Variants in PTPRK observed in about 807,000 individuals in gnomAD.
PTPRK encodes the protein receptor-type tyrosine-protein phosphatase kappa.
In PTPRK, 75 loss-of-function variants were observed where a neutral mutation model predicts 178.0. The observed-to-expected ratio is 0.42, with a 90% CI of 0.35 to 0.51. The LOEUF (loss-of-function observed/expected upper bound fraction) is 0.51. Among genes scored for constraint, PTPRK ranks in the 20% least tolerant of loss-of-function variants. The probability of loss-of-function intolerance (pLI) is 0.02; values close to 1 mark genes in which losing one functional copy is unlikely to be tolerated. For missense variants in PTPRK, 1,441 were observed against 1,797.8 expected (o/e 0.80, Z 3.59); for synonymous variants, 637 against 620.6 (o/e 1.03, Z -0.39).
chr6:128,351,708 C>A (rs1464913445), intron 2 of PTPRK, among the ~76,000 whole-genome samples: 1 of 152,102 alleles, frequency 6.6e-6, no homozygotes, highest in Non-Finnish European at 1.5e-5. Flanking sequence ...TGCAATGAAA[C>A]TTACATGAAA....
At chr6:128,045,052 C>T (rs1331956343) in intron 13 of PTPRK, among the ~76,000 whole-genome samples, 1 of 151,942 alleles carries the variant, frequency 6.6e-6, no homozygotes, top group Non-Finnish European at 1.5e-5. Context: ...TCTGCTTACA[C>T]CCAGTCCCAG....
At chr6:128,134,812 C>G (rs994029742) in intron 7 of PTPRK, among the ~76,000 whole-genome samples, 1 of 152,112 alleles carries the variant, frequency 6.6e-6, no homozygotes, top group Middle Eastern at 3.4e-3. Flanking sequence ...TTAAAACCAA[C>G]CAACAAATAA....
intron 20 of PTPRK, 139 bp downstream of exon 20, chr6:127,991,155 A>T (rs1776559214): frequency 6.3e-6 from 4 of 635,610 alleles, no homozygotes; most frequent in Admixed American, 6.9e-5. Flanking sequence ...GTCAAGGTCT[A>T]CTTAGAAGTA....
rs1491585107 is a variant in PTPRK at position 128,240,163 on chromosome 6, GGA to G, written c.578-15_578-14del. ...TGAGGAGATTTATCTGTGAAGGAAG[GGA>G]AAAAAAAATGTATTTGTTTTCACAT... On this transcript the variant is annotated splice_polypyrimidine_tract_variant and intron_variant, in intron 4 of 29. Transcript: ENST00000368226. 2 of 1,529,920 alleles carry G rather than the reference GGA, an allele frequency of 1.3e-6. No individual in the cohort carries two copies. Among genetic ancestry groups the G allele is most frequent in the East Asian group, 2.4e-5 (1 of 41,296 alleles). 94.8% of individuals were successfully genotyped at this position (1,529,920 alleles called of 1,614,324 possible).
intron 7 of PTPRK, among the ~76,000 whole-genome samples, chr6:128,161,450 G>A (rs926539519): frequency 1.4e-4 from 21 of 151,602 alleles, no homozygotes; most frequent in African/African-American, 4.6e-4. Flanking sequence ...TCCTACCACA[G>A]GAGATGGTTT....
At chr6:128,266,652 A>G (rs894994303) in intron 3 of PTPRK, among the ~76,000 whole-genome samples, 1 of 152,104 alleles carries the variant, frequency 6.6e-6, no homozygotes, top group Non-Finnish European at 1.5e-5. Context: ...GGAAGGCAAC[A>G]TGTCCAAAAG....
At chr6:128,315,287 T>C (rs80310445) in intron 3 of PTPRK, among the ~76,000 whole-genome samples, 179 of 152,296 alleles carry the variant, frequency 1.2e-3, no homozygotes, top group African/African-American at 4.2e-3. Context: ...TCATTCTTTA[T>C]TATTTTATTG....
intron 5 of PTPRK, among the ~76,000 whole-genome samples, chr6:128,232,896 ATTGT>A (rs1187579954): frequency 6.6e-6 from 1 of 152,176 alleles, no homozygotes; most frequent in African/African-American, 2.4e-5. Context: ...ATTGCATTGC[ATTGT>A]TTTTTCTTTA....
intron 13 of PTPRK, among the ~76,000 whole-genome samples, chr6:128,050,371 T>C (rs980909481): frequency 6.6e-6 from 1 of 152,194 alleles, no homozygotes; most frequent in Admixed American, 6.5e-5. Flanking sequence ...TTCCGTTTCA[T>C]ATTTTAGAAC....
At chr6:128,188,728 G>T (rs1266567805) in intron 6 of PTPRK, among the ~76,000 whole-genome samples, 2 of 152,142 alleles carry the variant, frequency 1.3e-5, no homozygotes, top group East Asian at 3.9e-4. Context: ...CTGTCAGAAG[G>T]CCGTACTTCC....
At chr6:128,148,182 A>C (rs1365933737) in intron 7 of PTPRK, among the ~76,000 whole-genome samples, 3 of 152,136 alleles carry the variant, frequency 2.0e-5, no homozygotes, top group Admixed American at 1.3e-4. Context: ...TATTTGAATG[A>C]TGAGTATGTG....
At chr6:128,466,902 T>C (rs993597810) in intron 1 of PTPRK, among the ~76,000 whole-genome samples, 36 of 152,140 alleles carry the variant, frequency 2.4e-4, no homozygotes, top group Non-Finnish European at 8.8e-5. Context: ...GAGAATCAAC[T>C]AAAACTGAAT....
chr6:128,239,715 A>G (rs2076572), intron 5 of PTPRK, among the ~76,000 whole-genome samples: 14,563 of 152,216 alleles, frequency 0.096, 1,528 homozygotes, highest in East Asian at 0.35. Context: ...AATATTATTA[A>G]ATAAGAAAAA....
chr6:128,057,616 T>C (rs1381773839), intron 13 of PTPRK, among the ~76,000 whole-genome samples: 2 of 152,176 alleles, frequency 1.3e-5, no homozygotes, highest in Non-Finnish European at 2.9e-5. Flanking sequence ...TCCTGTGTGA[T>C]TCCATAGGAA....
chr6:128,414,378 T>C (rs1335032093), intron 1 of PTPRK, among the ~76,000 whole-genome samples: 1 of 152,162 alleles, frequency 6.6e-6, no homozygotes, highest in Non-Finnish European at 1.5e-5. Context: ...GGCAGTTCTT[T>C]CCCTGTTGCA....
intron 7 of PTPRK, among the ~76,000 whole-genome samples, chr6:128,149,858 G>C (rs756578677): frequency 6.6e-6 from 1 of 152,122 alleles, no homozygotes; most frequent in South Asian, 2.1e-4. Context: ...GGTAAGAGAA[G>C]AGGTAGTCAC....
At chr6:128,111,212 T>C (rs1790602540) in intron 7 of PTPRK, among the ~76,000 whole-genome samples, 1 of 152,212 alleles carries the variant, frequency 6.6e-6, no homozygotes. Flanking sequence ...CATTATATCC[T>C]AAGTTAATAC....
chr6:128,313,533 CAG>C (rs1827558710), intron 3 of PTPRK, among the ~76,000 whole-genome samples: 1 of 151,946 alleles, frequency 6.6e-6, no homozygotes, highest in Non-Finnish European at 1.5e-5. Context: ...AAAGGACAAA[CAG>C]AACTTGGACA....
intron 13 of PTPRK, among the ~76,000 whole-genome samples, chr6:128,047,909 T>C (rs758838807): frequency 4.6e-5 from 7 of 151,936 alleles, no homozygotes; most frequent in Non-Finnish European, 8.8e-5. Flanking sequence ...AACCTCATGG[T>C]TGTTAGGGCT....
Sources: allele counts gnomAD v4.1 joint callset (sites outside exome capture counted in the v4.1 genomes callset), GRCh38; gene constraint gnomAD v4.1.1; transcripts MANE v1.5; gene names NCBI Gene and HGNC (gene_info 2026-07-23, HGNC 2026-07-21).